The following PKHD1L1 variants were observed in gnomAD, a reference collection of about 807,000 sequenced individuals.
The protein encoded by PKHD1L1 is PKHD1 like 1.
Under a neutral mutation model 462.9 loss-of-function variants are expected in PKHD1L1, and 434 were observed. The ratio of observed to expected loss-of-function variants is 0.94; its 90% CI spans 0.87 to 1.02. The LOEUF (loss-of-function observed/expected upper bound fraction) is 1.02. Among genes scored for constraint, PKHD1L1 ranks in the 50% least tolerant of loss-of-function variants. PKHD1L1 has a pLI of 0.00. For missense variants in PKHD1L1, 5,202 were observed against 5,096.1 expected (o/e 1.02, Z -0.63); for synonymous variants, 1,781 against 1,750.0 (o/e 1.02, Z -0.44).
intron 77 of PKHD1L1, among the ~76,000 whole-genome samples, chr8:109,528,527 A>G (rs908372591): frequency 8.5e-5 from 13 of 152,156 alleles, no homozygotes; most frequent in African/African-American, 3.1e-4. Flanking sequence ...CATATTCCCT[A>G]TATCTATACC....
chr8:109,404,642 C>A lies in PKHD1L1; in HGVS notation c.1462C>A (p.Gln488Lys). 6.2e-7 allele frequency: 1 copy of A among 1,608,064 alleles called. No individual in the cohort carries two copies. Among genetic ancestry groups the A allele is most frequent in the Non-Finnish European group, 8.5e-7 (1 of 1,176,848 alleles). The change falls in exon 15 of 78, where the codon CAA (glutamine) becomes AAA (lysine). Residue 488 changes from glutamine (Q) to lysine (K), a missense_variant. Transcript: ENST00000378402. ...CCAGTATCGAAATGTTTATACTGAA[C>A]AACAAACAGGAGATGCAGTGAATGA... is the stretch of plus-strand genomic sequence containing the variant. ...LYQYRNVYTEQQTGDAVNEEQ... is the reference protein window; with the variant it reads ...LYQYRNVYTEKQTGDAVNEEQ...
rs1329724068 is a variant in PKHD1L1, at chr8:109,404,716, T to G, written c.1533+3T>G. ...CGACAATCCTCCAGGAAGTACAGGT[T>G]TGCTATGATTGCAGTTCCTCTTACA... On this transcript the variant is annotated splice_donor_region_variant and intron_variant, in intron 15 of 77. Transcript: ENST00000378402. 2 of 1,590,074 alleles carry G rather than the reference T, an allele frequency of 1.3e-6. No individual in the cohort carries two copies. The highest frequency in any genetic ancestry group is 1.7e-6 in the Non-Finnish European group (2 of 1,169,840).
At position 109,382,537 on chromosome 8, in the gene PKHD1L1, A is replaced by G; in HGVS notation, c.383A>G (p.Lys128Arg). The change falls in exon 4 of 78, where the codon AAA (lysine) becomes AGA (arginine). Residue 128 changes from lysine to arginine, a missense_variant. Lys to Arg is a conservative substitution (Grantham distance 26, BLOSUM62 2). This residue lies in a region of PKHD1L1 where 4,497 missense variants were observed against 4,336.8 expected (regional missense o/e 1.04). Transcript: ENST00000378402. Reference sequence around the variant, plus strand: ...CCTGTTACGGAAAATAACACCTGCAAAGGTCACATCAACAGCTGGGAATGT... The same window carrying G: ...CCTGTTACGGAAAATAACACCTGCAGAGGTCACATCAACAGCTGGGAATGT... ...GVPVTENNTC[K>R]GHINSWECTF... 1 of 1,612,626 alleles carries G rather than the reference A, an allele frequency of 6.2e-7. No homozygotes were observed.
chr8:109,507,308 A>G (rs1038122613), intron 68 of PKHD1L1, among the ~76,000 whole-genome samples: 6 of 152,170 alleles, frequency 3.9e-5, no homozygotes, highest in Non-Finnish European at 8.8e-5. Context: ...TATAACAGTA[A>G]TCATTCACCT....
intron 68 of PKHD1L1, among the ~76,000 whole-genome samples, chr8:109,505,947 T>C (rs1365672352): frequency 1.3e-5 from 2 of 152,138 alleles, no homozygotes; most frequent in Admixed American, 1.3e-4. Context: ...TAATATTTCA[T>C]AAATTGTTTG....
intron 28 of PKHD1L1, 134 bp from the exon 29 acceptor site, chr8:109,435,056 T>A: frequency 1.2e-6 from 1 of 838,500 alleles, no homozygotes. Context: ...CACATTAATA[T>A]ATGATTGGTT....
intron 37 of PKHD1L1, 104 bp downstream of exon 37, chr8:109,444,006 A>G: frequency 1.0e-6 from 1 of 953,914 alleles, no homozygotes; most frequent in Non-Finnish European, 1.6e-6. Flanking sequence ...ATTGAGCTAT[A>G]TCACATACCA....
At chr8:109,414,143 G>T (rs1479492244) in intron 21 of PKHD1L1, among the ~76,000 whole-genome samples, 2 of 151,988 alleles carry the variant, frequency 1.3e-5, no homozygotes, top group African/African-American at 4.8e-5. Flanking sequence ...TATGTCAGTT[G>T]TGACTGCATT....
At chr8:109,456,779 G>C (rs1816849234) in intron 46 of PKHD1L1, among the ~76,000 whole-genome samples, 1 of 152,256 alleles carries the variant, frequency 6.6e-6, no homozygotes, top group East Asian at 1.9e-4. Flanking sequence ...ATGTAAATGA[G>C]CTTCTTAGTT....
intron 77 of PKHD1L1, among the ~76,000 whole-genome samples, chr8:109,528,038 G>A (rs759578576): frequency 2.0e-5 from 3 of 152,112 alleles, no homozygotes; most frequent in Non-Finnish European, 4.4e-5. Context: ...GCTAGTACGA[G>A]GAATGACAGG....
chr8:109,408,709 A>G (rs192560465), intron 18 of PKHD1L1, among the ~76,000 whole-genome samples: 8 of 152,352 alleles, frequency 5.3e-5, no homozygotes, highest in Admixed American at 3.3e-4. Context: ...GCAAATTTTA[A>G]GACTTTACCC....
At chr8:109,497,303 A>G (rs1212686185) in intron 65 of PKHD1L1, 31 bp downstream of exon 65, 4 of 1,598,052 alleles carry the variant, frequency 2.5e-6, no homozygotes, top group Non-Finnish European at 3.4e-6. Context: ...CACCATGGAG[A>G]AAAAAATAAC....
intron 1 of PKHD1L1, among the ~76,000 whole-genome samples, chr8:109,363,754 A>T (rs1450639094): frequency 6.6e-6 from 1 of 152,176 alleles, no homozygotes; most frequent in Non-Finnish European, 1.5e-5. Context: ...TATCTTTCTG[A>T]CAACTGGTCC....
intron 77 of PKHD1L1, 126 bp downstream of exon 77, chr8:109,527,146 C>T: frequency 1.2e-6 from 1 of 804,666 alleles, no homozygotes; most frequent in Non-Finnish European, 1.9e-6. Flanking sequence ...GTAACAGCCT[C>T]AATAGCAGAG....
Position 109,497,095 on chromosome 8 carries a change from T to C in PKHD1L1, c.10476+28T>C, listed in dbSNP as rs199902245. Reference sequence around the variant, plus strand: ...AATTATGATTAAAGATGGTGATTGTTTATTTTCTTTTATGATTGTCCTTAG... The same window carrying C: ...AATTATGATTAAAGATGGTGATTGTCTATTTTCTTTTATGATTGTCCTTAG... On this transcript the variant is annotated intron_variant, in intron 64 of 77. Transcript: ENST00000378402. 5.6e-6 allele frequency: 9 copies of C among 1,612,754 alleles called. No homozygotes were observed. In the East Asian group the frequency reaches 2.0e-4, roughly 36 times the overall value.
In PKHD1L1 at chr8:109,464,903, C is replaced by T. The variant is rs369491934; in HGVS notation, c.8071C>T (p.Pro2691Ser). 8.1e-6 allele frequency: 13 copies of T among 1,613,746 alleles called. No homozygotes were observed. In the African/African-American group the frequency reaches 1.5e-4, roughly 18 times the overall value. Residue 2691 changes from proline (P) to serine (S), a missense_variant, in exon 49 of 78, where the codon CCT becomes TCT. This residue lies in a region of PKHD1L1 where 4,497 missense variants were observed against 4,336.8 expected (regional missense o/e 1.04). Transcript: ENST00000378402. ...AATTGAGACTAAGAGGATCCTGGCT[C>T]CTTATGTTGGAGGGTGGGGTGAAAC... ...AGIETKRILA[P>S]YVGGWGETNG...
intron 22 of PKHD1L1, 78 bp downstream of exon 22, chr8:109,419,338 A>T (rs943703299): frequency 8.9e-7 from 1 of 1,124,778 alleles, no homozygotes; most frequent in South Asian, 2.0e-5. Context: ...TATATTCTGC[A>T]GTATGGATAG....
rs1403514310 is a variant in PKHD1L1, at chr8:109,464,999, T to C, written c.8167T>C (p.Cys2723Arg). Reference protein sequence around the residue: ...LDELGMGSAFCTAKGLVLPFS... With the variant: ...LDELGMGSAFRTAKGLVLPFS... The stretch of plus-strand genomic sequence containing the variant: ...TGAACTGGGAATGGGGTCTGCATTT[T>C]GCACAGCAAAAGGCCTGGTTCTCCC... The change falls in exon 49 of 78, where the codon TGC (cysteine) becomes CGC (arginine). Residue 2723 changes from cysteine to arginine, a missense_variant. Transcript: ENST00000378402. 9.3e-6 allele frequency: 15 copies of C among 1,613,746 alleles called. No homozygotes were observed. Among genetic ancestry groups the C allele is most frequent in the Non-Finnish European group, 1.0e-5 (12 of 1,179,802 alleles).
chr8:109,469,121 A>G (rs900139405), intron 50 of PKHD1L1, among the ~76,000 whole-genome samples: 5 of 152,120 alleles, frequency 3.3e-5, no homozygotes, highest in African/African-American at 1.2e-4. Flanking sequence ...TTTATATCTA[A>G]TGGTTAAGCA....
Sources: gnomAD v4.1 joint callset for allele counts (sites outside exome capture counted in the v4.1 genomes callset) on GRCh38, gnomAD v4.1.1 for gene constraint, gnomAD v4.1.1 regional missense constraint, MANE v1.5 for transcripts, NCBI Gene and HGNC (gene_info 2026-07-23, HGNC 2026-07-21) for gene names.